MPP2: variants seen among roughly 807,000 people sequenced by gnomAD.
MPP2 encodes MAGUK p55 scaffold protein 2, also known as MAGUK p55 subfamily member 2.
MPP2 carries 42 observed loss-of-function variants against 58.5 expected under a neutral mutation model. That is an observed-to-expected ratio of 0.72 (90% CI 0.56 to 0.93). The LOEUF (loss-of-function observed/expected upper bound fraction) is 0.93. Ranked by LOEUF, MPP2 falls within the 40% of genes least tolerant of loss-of-function variation. The pLI is 0.00. For synonymous variants in MPP2, 300 were observed against 307.8 expected (o/e 0.97, Z 0.26); for missense variants, 632 against 760.4 (o/e 0.83, Z 1.99).
intron 3 of MPP2, among the ~76,000 whole-genome samples, chr17:43,887,913 C>A (rs2047440015): frequency 1.3e-5 from 2 of 152,134 alleles, no homozygotes; most frequent in South Asian, 2.1e-4. Context: ...CAGATACAAT[C>A]TATTATGGCT....
At position 43,877,744 on chromosome 17, in the gene MPP2, G is replaced by A. The variant is rs1202719125; in HGVS notation, c.*63C>T. 1.4e-6 allele frequency: 2 copies of A among 1,424,380 alleles called. No individual in the cohort carries two copies. Among genetic ancestry groups the A allele is most frequent in the South Asian group, 2.4e-5 (2 of 82,528 alleles). The allele number at this position is 1,424,380 out of a possible 1,614,324, so 88.2% of individuals were successfully genotyped here. The stretch of plus-strand genomic sequence containing the variant: ...ATTGTGGCAGGGGGTCACAGGTCAG[G>A]AGGGGGATGGATTCAGGTTCTGGGT... On this transcript the variant is annotated 3_prime_UTR_variant, in exon 13 of 13. Transcript: ENST00000269095.
chr17:43,886,971 C>A lies in MPP2; in HGVS notation c.151-3616G>T, dbSNP rs116823847. 5.9e-3 allele frequency among the ~76,000 whole-genome samples: 899 copies of A among 151,864 alleles called. 12 individuals carry two copies. The highest frequency in any genetic ancestry group is 0.02 in the African/African-American group (840 of 41,398). On this transcript the variant is annotated intron_variant, in intron 3 of 12. Coordinates refer to ENST00000269095, the MANE Select transcript of MPP2 (RefSeq NM_005374.5). ...GTTTTCTCTCTATTGGGAAAATTAG[C>A]CCTTTGTGATATTTCTTGTAAATGA...
At chr17:43,902,775 G>C (rs899514759) in intron 2 of MPP2, among the ~76,000 whole-genome samples, 1 of 152,198 alleles carries the variant, frequency 6.6e-6, no homozygotes, top group African/African-American at 2.4e-5. Flanking sequence ...ATCCAGGCAG[G>C]GGGAAGTTCA....
chr17:43,907,298 G>A, intron 1 of MPP2, 176 bp downstream of exon 1: 1 of 977,368 alleles, frequency 1.0e-6, no homozygotes, highest in Non-Finnish European at 1.2e-6. Flanking sequence ...CTCCCAACCA[G>A]CACCCCAGAA....
At chr17:43,907,133 T>A in intron 1 of MPP2, 4 of 974,526 alleles carry the variant, frequency 4.1e-6, no homozygotes, top group Non-Finnish European at 4.9e-6. Flanking sequence ...TCTTACGTAA[T>A]GCCGGGCTTC....
In MPP2 at chr17:43,900,180, T is replaced by C. The variant is rs552316287; in HGVS notation, c.32-1800A>G. Among the ~76,000 whole-genome samples the C allele has an allele frequency of 1.4e-3, 216 of 152,306 alleles. 1 individual carries two copies. Among genetic ancestry groups the C allele is most frequent in the Admixed American group, 2.4e-3 (37 of 15,306 alleles). Reference sequence around the variant, plus strand: ...TGCAAGCTTGCCCTTCAGACCCCTCTTGCCCAGGCCGGGGCTTGGCATTGG... The same window carrying C: ...TGCAAGCTTGCCCTTCAGACCCCTCCTGCCCAGGCCGGGGCTTGGCATTGG... On this transcript the variant is annotated intron_variant, in intron 2 of 12. Transcript: ENST00000269095.
rs2046806890 is a variant in MPP2, at chr17:43,875,890, A to G, written c.*1917T>C. ...CTGCCTCTACCCTCAAATCCCCCAG[A>G]GAAGGTAGGAAATGGCAAGTGACCC... On this transcript the variant is annotated 3_prime_UTR_variant, in exon 13 of 13. Coordinates refer to ENST00000269095, the MANE Select transcript of MPP2 (RefSeq NM_005374.5). 6.6e-6 allele frequency: 1 copy of G among 152,176 alleles called. No individual in the cohort carries two copies. The highest frequency in any genetic ancestry group is 1.5e-5 in the Non-Finnish European group (1 of 68,042). 9.4% of individuals were successfully genotyped at this position (152,176 alleles called of 1,614,324 possible).
chr17:43,877,646 C>T lies in MPP2; in HGVS notation c.*161G>A. 1 of 692,178 alleles carries T rather than the reference C, an allele frequency of 1.4e-6. No individual in the cohort carries two copies. The highest frequency in any genetic ancestry group is 2.5e-6 in the Non-Finnish European group (1 of 394,144). 42.9% of individuals were successfully genotyped at this position (692,178 alleles called of 1,614,324 possible). On this transcript the variant is annotated 3_prime_UTR_variant, in exon 13 of 13. Coordinates refer to ENST00000269095, the MANE Select transcript of MPP2 (RefSeq NM_005374.5). ...ATGCCCACCTCCCTGGCAGTGCACG[C>T]CTCTGTGCTGAAGCCAGACTTAGGG...
intron 2 of MPP2, among the ~76,000 whole-genome samples, chr17:43,902,878 C>T (rs991481166): frequency 1.3e-5 from 2 of 152,214 alleles, no homozygotes; most frequent in African/African-American, 4.8e-5. Context: ...GTCCTGCGTG[C>T]ACTACGGGAA....
At chr17:43,897,811 C>G (rs2047911986) in intron 3 of MPP2, among the ~76,000 whole-genome samples, 1 of 152,224 alleles carries the variant, frequency 6.6e-6, no homozygotes, top group South Asian at 2.1e-4. Context: ...GTCCTTTATG[C>G]TCCCAAAATG....
intron 1 of MPP2, chr17:43,906,175 G>A: frequency 1.0e-6 from 1 of 972,866 alleles, no homozygotes; most frequent in Non-Finnish European, 1.2e-6. Context: ...GGCGGGAAAA[G>A]GCAGGGAGGA....
chr17:43,900,725 T>A (rs2048060630), intron 2 of MPP2: 3 of 1,221,568 alleles, frequency 2.5e-6, no homozygotes, highest in Non-Finnish European at 3.3e-6. Context: ...GCTAAAGCCC[T>A]GACTGGCGCT....
chr17:43,909,493 C>T (rs1410779297), upstream of MPP2: 1 of 1,177,272 alleles, frequency 8.5e-7, no homozygotes, highest in African/African-American at 1.6e-5. Flanking sequence ...GAGGAAGGAT[C>T]TTGAATCTCT....
In MPP2 at chr17:43,876,345, G is replaced by A. The variant is rs534462180; in HGVS notation, c.*1462C>T. 4.6e-5 allele frequency: 7 copies of A among 152,636 alleles called. No individual in the cohort carries two copies. The highest frequency in any genetic ancestry group is 2.1e-4 in the South Asian group (1 of 4,816). 9.5% of individuals were successfully genotyped at this position (152,636 alleles called of 1,614,324 possible). On this transcript the variant is annotated 3_prime_UTR_variant, in exon 13 of 13. Transcript: ENST00000269095. ...TCCCCTCTGAGGACAGGCTCCCCCCGGAAGGAATGCAGAGAATAATGAAGG... is the reference window on the plus strand; with the variant it reads ...TCCCCTCTGAGGACAGGCTCCCCCCAGAAGGAATGCAGAGAATAATGAAGG...
chr17:43,892,521 A>G (rs1304392596), intron 3 of MPP2, among the ~76,000 whole-genome samples: 1 of 152,182 alleles, frequency 6.6e-6, no homozygotes, highest in Non-Finnish European at 1.5e-5. Flanking sequence ...TCACCCATAC[A>G]AGGACAGAAG....
rs570403576 is a variant in MPP2 at position 43,879,635 on chromosome 17, T to G, written c.1353+147A>C. The G allele has an allele frequency of 6.7e-6, 7 of 1,045,070 alleles. No individual in the cohort carries two copies. In the African/African-American group the frequency reaches 1.1e-4, roughly 16 times the overall value. The allele number at this position is 1,045,070 out of a possible 1,614,324, so 64.7% of individuals were successfully genotyped here. A position where few individuals can be genotyped will look rare whatever the true frequency, so the allele number is the denominator to read the frequency against. On this transcript the variant is annotated intron_variant, in intron 11 of 12. Transcript: ENST00000269095. This position sits in a 1 kb window ranked among gnomAD's most constrained non-coding sequence, Gnocchi z 4.1. ...GGGACTCTGGAAGGCTGAGAAAGGT[T>G]CCAGGTGGGCTGGGTTTCTAGCAGT...
At chr17:43,887,769 A>T (rs1488188628) in intron 3 of MPP2, among the ~76,000 whole-genome samples, 1 of 150,066 alleles carries the variant, frequency 6.7e-6, no homozygotes, top group East Asian at 2.0e-4. Flanking sequence ...TCTATTTTTT[A>T]AAATTTTTTT....
intron 2 of MPP2, among the ~76,000 whole-genome samples, chr17:43,903,689 AAACAAC>A (rs570853978): frequency 1.3e-5 from 2 of 152,234 alleles, no homozygotes; most frequent in Admixed American, 6.5e-5. Flanking sequence ...CTTGTCTCAA[AAACAAC>A]AACAACAACT....
intron 2 of MPP2, chr17:43,901,233 T>C: frequency 2.0e-6 from 2 of 984,460 alleles, no homozygotes; most frequent in Non-Finnish European, 2.4e-6. Context: ...GCAGGGTACG[T>C]GGGGGAGGTG....
Sources: allele counts gnomAD v4.1 joint callset (sites outside exome capture counted in the v4.1 genomes callset), GRCh38; gene constraint gnomAD v4.1.1; non-coding constraint Gnocchi (gnomAD v3.1); transcripts MANE v1.5; gene names NCBI Gene and HGNC (gene_info 2026-07-23, HGNC 2026-07-21).